The following NCAM1 variants were observed in gnomAD, a reference collection of about 807,000 sequenced individuals.
NCAM1 encodes neural cell adhesion molecule 1, also known as antigen recognized by monoclonal antibody 5.1H11.
In NCAM1, 14 loss-of-function variants were observed where a neutral mutation model predicts 109.8. The observed-to-expected ratio is 0.13, with a 90% CI of 0.08 to 0.20. The LOEUF (loss-of-function observed/expected upper bound fraction) is 0.20, where lower values mean the gene tolerates loss of function less well. NCAM1 is among the 10% of genes least tolerant of loss of function. The pLI is 1.00. For missense variants in NCAM1, 774 were observed against 1,109.9 expected, an observed-to-expected ratio of 0.70 and a Z score of 4.30; for synonymous variants, 418 against 442.9, an observed-to-expected ratio of 0.94 and a Z score of 0.70.
chr11:113,009,295 T>G (rs1318240599), intron 1 of NCAM1, among the ~76,000 whole-genome samples: 5 of 148,776 alleles, frequency 3.4e-5, no homozygotes, highest in African/African-American at 1.2e-4. Context: ...CTGATTTAAT[T>G]GGAAGGGTTT....
At chr11:112,969,199 T>C (rs1221043229) in intron 1 of NCAM1, among the ~76,000 whole-genome samples, 5 of 152,064 alleles carry the variant, frequency 3.3e-5, no homozygotes, top group Non-Finnish European at 7.4e-5. Flanking sequence ...GATCTGAATC[T>C]GGTTGTACAT....
chr11:113,270,509 TCCATTTGGAACC>T, intron 18 of NCAM1, 114 bp downstream of exon 18: 1 of 977,618 alleles, frequency 1.0e-6, no homozygotes, highest in Non-Finnish European at 1.5e-6. Context: ...TTGCACGTTC[TCCATTTGGAACC>T]CTGATGGGGG....
chr11:113,152,773 C>T (rs1461985082), intron 1 of NCAM1, among the ~76,000 whole-genome samples: 1 of 152,144 alleles, frequency 6.6e-6, no homozygotes, highest in Non-Finnish European at 1.5e-5. Flanking sequence ...AGGAAACAAG[C>T]AAGTACACAA....
rs574601401 is a variant in NCAM1, at chr11:113,221,101, G to A, written c.1060-195G>A. Among the ~76,000 whole-genome samples the A allele has an allele frequency of 3.9e-5, 6 of 152,104 alleles. No individual in the cohort carries two copies. In the South Asian group the frequency reaches 1.2e-3, roughly 32 times the overall value. On this transcript the variant is annotated intron_variant, in intron 8 of 19. Transcript: ENST00000316851. The stretch of plus-strand genomic sequence containing the variant: ...TATACATTTTAATGTGCCTAAGGGG[G>A]AAAAAAAGCTGGACATAAGCTAAAT...
chr11:112,975,796 A>G (rs1555067593), intron 1 of NCAM1, among the ~76,000 whole-genome samples: 1 of 152,014 alleles, frequency 6.6e-6, no homozygotes, highest in African/African-American at 2.4e-5. Context: ...ACTGGTCATG[A>G]AGGCAGTTCA....
At chr11:113,032,235 A>T (rs1394506031) in intron 1 of NCAM1, among the ~76,000 whole-genome samples, 4 of 152,148 alleles carry the variant, frequency 2.6e-5, no homozygotes, top group Non-Finnish European at 1.5e-5. Flanking sequence ...GACTTGCCTA[A>T]CTTCCACGCA....
chr11:113,050,116 G>A (rs1555081560), intron 1 of NCAM1, among the ~76,000 whole-genome samples: 1 of 145,204 alleles, frequency 6.9e-6, no homozygotes, highest in African/African-American at 2.5e-5. Flanking sequence ...CGCATGGTGT[G>A]GGGTGGGGGG....
At chr11:112,982,208 T>G (rs1951171862) in intron 1 of NCAM1, among the ~76,000 whole-genome samples, 1 of 152,002 alleles carries the variant, frequency 6.6e-6, no homozygotes, top group Non-Finnish European at 1.5e-5. Context: ...TCAGTTTCAC[T>G]CTGAGCCCCT....
At chr11:113,207,506 T>C (rs1231673233) in intron 6 of NCAM1, 128 bp downstream of exon 6, 2 of 740,682 alleles carry the variant, frequency 2.7e-6, no homozygotes, top group African/African-American at 3.5e-5. Flanking sequence ...AGGAGAAGAA[T>C]GGACTCTTTT....
At chr11:113,067,333 G>A (rs1477689589) in intron 1 of NCAM1, among the ~76,000 whole-genome samples, 2 of 152,164 alleles carry the variant, frequency 1.3e-5, no homozygotes, top group Non-Finnish European at 2.9e-5. Context: ...TTTCACTGGG[G>A]GAATGTGAGT....
intron 1 of NCAM1, among the ~76,000 whole-genome samples, chr11:113,009,056 A>T (rs1248766169): frequency 6.6e-6 from 1 of 152,160 alleles, no homozygotes; most frequent in Non-Finnish European, 1.5e-5. Flanking sequence ...TTTGCTATTC[A>T]TGGAGAATGT....
chr11:112,968,071 C>T (rs1342747934), intron 1 of NCAM1, among the ~76,000 whole-genome samples: 1 of 152,160 alleles, frequency 6.6e-6, no homozygotes, highest in Non-Finnish European at 1.5e-5. Context: ...ATCCTTTGGT[C>T]CACTTGGACC....
chr11:113,227,289 G>A (rs1555116417), intron 9 of NCAM1, among the ~76,000 whole-genome samples: 1 of 150,778 alleles, frequency 6.6e-6, no homozygotes, highest in Non-Finnish European at 1.5e-5. Context: ...TACCATCAGA[G>A]AATACTATAA....
intron 1 of NCAM1, among the ~76,000 whole-genome samples, chr11:113,049,466 T>A (rs1164864559): frequency 6.6e-6 from 1 of 152,230 alleles, no homozygotes; most frequent in Non-Finnish European, 1.5e-5. Flanking sequence ...GCACATGTAA[T>A]GAGTTAATAA....
At chr11:113,148,228 C>CCGTCCCAGGATTAGG in intron 1 of NCAM1, among the ~76,000 whole-genome samples, 1 of 152,110 alleles carries the variant, frequency 6.6e-6, no homozygotes, top group African/African-American at 2.4e-5. Flanking sequence ...CAGCCGCTTC[C>CCGTCCCAGGATTAGG]ATCTCTGCTT....
intron 7 of NCAM1, among the ~76,000 whole-genome samples, chr11:113,208,856 G>A (rs1204959375): frequency 6.6e-6 from 1 of 152,190 alleles, no homozygotes; most frequent in Non-Finnish European, 1.5e-5. Context: ...GCCAGACTTG[G>A]CATAGGCCCT....
At chr11:113,230,644 T>A (rs1446982763) in intron 9 of NCAM1, among the ~76,000 whole-genome samples, 1 of 152,214 alleles carries the variant, frequency 6.6e-6, no homozygotes, top group Non-Finnish European at 1.5e-5. Context: ...ACGCATGGGA[T>A]GGCAGATGCC....
intron 1 of NCAM1, among the ~76,000 whole-genome samples, chr11:113,110,695 A>G (rs1940406760): frequency 6.6e-6 from 1 of 152,220 alleles, no homozygotes; most frequent in African/African-American, 2.4e-5. Context: ...TAAGAACTTT[A>G]TTGTGAAGAA....
Position 113,138,021 on chromosome 11 carries a change from GA to G in NCAM1, c.53-64347del, listed in dbSNP as rs111856908. On this transcript the variant is annotated intron_variant, in intron 1 of 19. Coordinates refer to ENST00000316851, the MANE Select transcript of NCAM1 (RefSeq NM_181351.5). Reference sequence around the variant, plus strand: ...TTTCCAAAGCCAGCTTTACCCTAGGGAAAAAAAAAAATTCTCATCTAAGAAA... The same window carrying G: ...TTTCCAAAGCCAGCTTTACCCTAGGGAAAAAAAAAATTCTCATCTAAGAAA... Among the ~76,000 whole-genome samples, 204 of 149,606 alleles carry G rather than the reference GA, an allele frequency of 1.4e-3. 1 individual carries two copies. The Middle Eastern group carries it at 0.031, about 23-fold the overall frequency.
Sources: gnomAD v4.1 joint callset for allele counts (sites outside exome capture counted in the v4.1 genomes callset) on GRCh38, gnomAD v4.1.1 for gene constraint, MANE v1.5 for transcripts, NCBI Gene and HGNC (gene_info 2026-07-23, HGNC 2026-07-21) for gene names.